Variants in KLHL1 observed in about 807,000 individuals in gnomAD.
KLHL1 encodes the protein kelch like family member 1.
A neutral mutation model predicts 77.7 loss-of-function variants in KLHL1; 47 were observed. The ratio of observed to expected loss-of-function variants is 0.60; its 90% CI spans 0.48 to 0.77. KLHL1 has a LOEUF of 0.77. Among genes scored for constraint, KLHL1 ranks in the 30% least tolerant of loss-of-function variants. KLHL1 has a pLI of 0.00. For missense variants in KLHL1, 925 were observed against 910.8 expected (o/e 1.02, Z -0.20); for synonymous variants, 360 against 325.2 (o/e 1.11, Z -1.15).
At chr13:70,096,602 A>G (rs76744535) in intron 1 of KLHL1, among the ~76,000 whole-genome samples, 3,789 of 148,422 alleles carry the variant, frequency 0.026, 110 homozygotes, top group African/African-American at 0.073. Context: ...ATTTTTTCCT[A>G]TCGAGTTCTT....
intron 8 of KLHL1, among the ~76,000 whole-genome samples, chr13:69,723,292 T>G (rs1302144121): frequency 3.3e-5 from 5 of 152,134 alleles, no homozygotes; most frequent in African/African-American, 1.2e-4. Flanking sequence ...AATAATGCAT[T>G]GCATAGTTTG....
intron 7 of KLHL1, among the ~76,000 whole-genome samples, chr13:69,753,497 G>C (rs115426098): frequency 0.011 from 1,659 of 152,242 alleles, 31 homozygotes; most frequent in African/African-American, 0.037. Flanking sequence ...TTAAATGAAT[G>C]AATGAAGATG....
At chr13:70,027,609 T>C (rs974665039) in intron 1 of KLHL1, among the ~76,000 whole-genome samples, 1 of 150,396 alleles carries the variant, frequency 6.6e-6, no homozygotes, top group Non-Finnish European at 1.5e-5. Flanking sequence ...TGTCCTTTAA[T>C]GTCACCTAAC....
intron 1 of KLHL1, among the ~76,000 whole-genome samples, chr13:70,077,313 T>A (rs945136739): frequency 1.3e-5 from 2 of 151,816 alleles, no homozygotes; most frequent in Admixed American, 1.3e-4. Flanking sequence ...CAAAAATACA[T>A]GGAGGAAACT....
chr13:69,980,451 A>G (rs939773941), intron 1 of KLHL1, among the ~76,000 whole-genome samples: 1 of 152,146 alleles, frequency 6.6e-6, no homozygotes. Context: ...GATGCTTTCT[A>G]CAATTTGTGT....
intron 4 of KLHL1, among the ~76,000 whole-genome samples, chr13:69,928,710 A>G (rs1306577405): frequency 6.6e-6 from 1 of 152,190 alleles, no homozygotes; most frequent in East Asian, 1.9e-4. Flanking sequence ...CTTTTATTAA[A>G]TGCCCATCAA....
intron 3 of KLHL1, among the ~76,000 whole-genome samples, chr13:69,954,828 A>T (rs1258033548): frequency 1.3e-5 from 2 of 150,614 alleles, no homozygotes; most frequent in Non-Finnish European, 3.0e-5. Context: ...CATTTTAAAC[A>T]TATATATGCA....
chr13:69,859,954 A>C (rs932329918), intron 5 of KLHL1, among the ~76,000 whole-genome samples: 3 of 152,030 alleles, frequency 2.0e-5, no homozygotes, highest in Non-Finnish European at 4.4e-5. Flanking sequence ...TCAATCTATC[A>C]TCTGAAGGCC....
intron 4 of KLHL1, among the ~76,000 whole-genome samples, chr13:69,908,409 AG>A (rs1262095504): frequency 1.4e-4 from 21 of 151,828 alleles, no homozygotes; most frequent in Non-Finnish European, 1.5e-4. Context: ...TGACAAAAAA[AG>A]TTCCTGAAAT....
At chr13:70,085,340 C>T (rs1362746225) in intron 1 of KLHL1, among the ~76,000 whole-genome samples, 2 of 152,060 alleles carry the variant, frequency 1.3e-5, no homozygotes, top group African/African-American at 2.4e-5. Flanking sequence ...GTTTCTTCAT[C>T]ACAAGAACCA....
At chr13:69,929,644 A>C (rs1468193508) in intron 4 of KLHL1, among the ~76,000 whole-genome samples, 4 of 151,848 alleles carry the variant, frequency 2.6e-5, no homozygotes, top group Admixed American at 6.6e-5. Context: ...GAATGTCATA[A>C]ATTCTAGTAT....
chr13:69,905,620 A>G (rs1345328496), intron 4 of KLHL1, among the ~76,000 whole-genome samples: 2 of 152,244 alleles, frequency 1.3e-5, no homozygotes, highest in East Asian at 3.9e-4. Flanking sequence ...TATGGTTGCA[A>G]CAATAATAAA....
At chr13:69,787,968 C>T (rs1876648545) in intron 7 of KLHL1, among the ~76,000 whole-genome samples, 1 of 152,194 alleles carries the variant, frequency 6.6e-6, no homozygotes, top group South Asian at 2.1e-4. Flanking sequence ...TACCATCTCA[C>T]ACCAGTTAGT....
intron 4 of KLHL1, among the ~76,000 whole-genome samples, chr13:69,934,826 C>T (rs954443147): frequency 2.6e-5 from 4 of 151,630 alleles, no homozygotes; most frequent in Non-Finnish European, 5.9e-5. Flanking sequence ...CAAATCTACA[C>T]CTGACTAATT....
intron 6 of KLHL1, among the ~76,000 whole-genome samples, chr13:69,805,268 T>A (rs931833576): frequency 6.6e-6 from 1 of 151,974 alleles, no homozygotes; most frequent in African/African-American, 2.4e-5. Flanking sequence ...ACATATACAT[T>A]TAAGTTTACC....
At chr13:69,865,764 C>T (rs1259197146) in intron 5 of KLHL1, among the ~76,000 whole-genome samples, 1 of 152,060 alleles carries the variant, frequency 6.6e-6, no homozygotes, top group East Asian at 1.9e-4. Context: ...AAAGAGGAAA[C>T]ACATTTCTAG....
intron 7 of KLHL1, among the ~76,000 whole-genome samples, chr13:69,749,426 CA>C (rs910622183): frequency 4.9e-4 from 75 of 151,888 alleles, no homozygotes; most frequent in African/African-American, 1.7e-3. Context: ...TTTATGTTGC[CA>C]AAATGTACTT....
chr13:69,951,965 G>A (rs1227380618), intron 3 of KLHL1, among the ~76,000 whole-genome samples: 1 of 151,336 alleles, frequency 6.6e-6, no homozygotes, highest in Non-Finnish European at 1.5e-5. Flanking sequence ...CACTATCCGA[G>A]CACATTGAGT....
intron 7 of KLHL1, among the ~76,000 whole-genome samples, chr13:69,784,121 G>C (rs1876380427): frequency 6.6e-6 from 1 of 151,734 alleles, no homozygotes; most frequent in South Asian, 2.1e-4. Context: ...ATACTTTACA[G>C]ACAAGCAAAT....
Sources: gnomAD v4.1 joint callset for allele counts (sites outside exome capture counted in the v4.1 genomes callset) on GRCh38, gnomAD v4.1.1 for gene constraint, MANE v1.5 for transcripts, NCBI Gene and HGNC (gene_info 2026-07-23, HGNC 2026-07-21) for gene names.